Variants in TRIO observed in about 807,000 individuals in gnomAD.
The protein encoded by TRIO is trio Rho guanine nucleotide exchange factor, also known as triple functional domain protein.
A neutral mutation model predicts 351.9 loss-of-function variants in TRIO; 58 were observed. The observed-to-expected ratio is 0.16, with a 90% CI of 0.13 to 0.21. The LOEUF is 0.21. TRIO is among the 10% of genes least tolerant of loss of function. TRIO has a pLI of 1.00. For missense variants in TRIO, 3,201 were observed against 4,027.8 expected (o/e 0.79, Z 5.56); for synonymous variants, 1,758 against 1,595.7 (o/e 1.10, Z -2.42).
chr5:14,254,250 A>G (rs1794906646), intron 1 of TRIO, among the ~76,000 whole-genome samples: 1 of 150,634 alleles, frequency 6.6e-6, no homozygotes, highest in Admixed American at 6.6e-5. Context: ...ATGGCATGAT[A>G]TCGGCTCACT....
At chr5:14,159,792 C>G (rs1581249624) in intron 1 of TRIO, among the ~76,000 whole-genome samples, 1 of 152,122 alleles carries the variant, frequency 6.6e-6, no homozygotes, top group African/African-American at 2.4e-5. Flanking sequence ...GTCTCCATCT[C>G]TTGACTTCCT....
At chr5:14,170,508 C>CT (rs3994019) in intron 1 of TRIO, among the ~76,000 whole-genome samples, 1,587 of 133,738 alleles carry the variant, frequency 0.012, 17 homozygotes, top group Middle Eastern at 0.024. Context: ...GCTTCTCTCT[C>CT]TTTTTTTTTT....
At chr5:14,359,585 C>T in intron 13 of TRIO, 54 bp downstream of exon 13, 7 of 1,588,996 alleles carry the variant, frequency 4.4e-6, no homozygotes, top group East Asian at 2.2e-5. Flanking sequence ...TGGCTTCCTC[C>T]ACAGCACCGG....
intron 34 of TRIO, among the ~76,000 whole-genome samples, chr5:14,436,089 G>A (rs1400172436): frequency 1.3e-5 from 2 of 151,962 alleles, no homozygotes; most frequent in Admixed American, 6.6e-5. Flanking sequence ...CCCCATCTCC[G>A]TCTCTTCTTG....
intron 1 of TRIO, among the ~76,000 whole-genome samples, chr5:14,261,246 G>T (rs535836180): frequency 4.5e-4 from 68 of 152,332 alleles, no homozygotes; most frequent in South Asian, 1.9e-3. Context: ...CCTACCTGTT[G>T]TATAGTGTTT....
chr5:14,378,211 C>T (rs764175001), intron 20 of TRIO, 84 bp downstream of exon 20: 60 of 1,079,938 alleles, frequency 5.6e-5, no homozygotes, highest in African/African-American at 1.7e-4. Context: ...TTGACATTTC[C>T]GCCATCTTGA....
At chr5:14,333,196 G>C (rs1269082986) in intron 10 of TRIO, among the ~76,000 whole-genome samples, 1 of 152,274 alleles carries the variant, frequency 6.6e-6, no homozygotes, top group Admixed American at 6.5e-5. Flanking sequence ...CTACACAACA[G>C]TGTGTGTCCG....
intron 1 of TRIO, among the ~76,000 whole-genome samples, chr5:14,160,565 C>A (rs934943873): frequency 1.2e-4 from 18 of 152,320 alleles, no homozygotes; most frequent in South Asian, 1.0e-3. Context: ...GGCAGATTCT[C>A]TCTTTTGGCC....
chr5:14,398,829 A>G (rs948023458), intron 29 of TRIO, 51 bp from the exon 30 acceptor site: 5 of 1,504,372 alleles, frequency 3.3e-6, no homozygotes, highest in Non-Finnish European at 4.5e-6. Context: ...CTTGTGCATC[A>G]GTTTTTATTT....
At chr5:14,473,811 T>C (rs1220168755) in intron 39 of TRIO, among the ~76,000 whole-genome samples, 183 bp from the exon 40 acceptor site, 1 of 152,236 alleles carries the variant, frequency 6.6e-6, no homozygotes, top group East Asian at 1.9e-4. Flanking sequence ...ATGTAATAGG[T>C]ATATTCCAAG....
intron 47 of TRIO, 114 bp from the exon 48 acceptor site, chr5:14,487,350 C>A: frequency 9.5e-7 from 1 of 1,056,274 alleles, no homozygotes; most frequent in Non-Finnish European, 1.2e-6. Flanking sequence ...TGCTCTGCGC[C>A]CCTGCACGGG....
At chr5:14,293,732 A>G (rs1374437570) in intron 6 of TRIO, among the ~76,000 whole-genome samples, 2 of 152,218 alleles carry the variant, frequency 1.3e-5, no homozygotes, top group Non-Finnish European at 2.9e-5. Context: ...GTAGGACTAC[A>G]TCACAGAAAC....
At chr5:14,155,436 T>G (rs943197132) in intron 1 of TRIO, among the ~76,000 whole-genome samples, 1 of 152,208 alleles carries the variant, frequency 6.6e-6, no homozygotes, top group African/African-American at 2.4e-5. Flanking sequence ...CTTTAACACC[T>G]TTTTACCAAT....
At chr5:14,364,043 T>C in intron 14 of TRIO, 116 bp downstream of exon 14, 1 of 965,428 alleles carries the variant, frequency 1.0e-6, no homozygotes, top group Non-Finnish European at 1.5e-6. Flanking sequence ...AAAGGTATTA[T>C]AGATACCTGT....
chr5:14,401,116 A>G (rs372614346), intron 31 of TRIO, 52 bp downstream of exon 31: 3 of 1,454,104 alleles, frequency 2.1e-6, no homozygotes, highest in African/African-American at 2.8e-5. Flanking sequence ...TACTGTGGCC[A>G]TCCATGCTTG....
At chr5:14,325,048 G>C (rs930926256) in intron 9 of TRIO, among the ~76,000 whole-genome samples, 2 of 152,170 alleles carry the variant, frequency 1.3e-5, no homozygotes, top group African/African-American at 4.8e-5. Context: ...GCATAGAACA[G>C]TCATTCAATA....
chr5:14,206,640 T>C (rs181354837), intron 1 of TRIO, among the ~76,000 whole-genome samples: 157 of 152,338 alleles, frequency 1.0e-3, no homozygotes, highest in Non-Finnish European at 1.8e-3. Flanking sequence ...AATTTGTCAT[T>C]CCATTTCGAT....
chr5:14,445,003 T>G (rs969899835), intron 34 of TRIO, among the ~76,000 whole-genome samples: 17 of 152,334 alleles, frequency 1.1e-4, no homozygotes, highest in African/African-American at 3.6e-4. Flanking sequence ...CCTCCTCGTT[T>G]AACTGTAATC....
At chr5:14,307,668 A>C (rs144418428) in intron 8 of TRIO, among the ~76,000 whole-genome samples, 317 of 152,314 alleles carry the variant, frequency 2.1e-3, no homozygotes, top group African/African-American at 7.2e-3. Flanking sequence ...CCATTTAAAA[A>C]ATTAGTCTTT....
Sources: allele counts gnomAD v4.1 joint callset (sites outside exome capture counted in the v4.1 genomes callset), GRCh38; gene constraint gnomAD v4.1.1; transcripts MANE v1.5; gene names NCBI Gene and HGNC (gene_info 2026-07-23, HGNC 2026-07-21).